The following RBM47 variants were observed in gnomAD, a reference collection of about 807,000 sequenced individuals.
RBM47 encodes the protein RNA binding motif protein 47.
Under a neutral mutation model 47.1 loss-of-function variants are expected in RBM47, and 21 were observed. That is an observed-to-expected ratio of 0.45 (90% CI 0.32 to 0.64). The LOEUF (loss-of-function observed/expected upper bound fraction) is 0.64, where lower values mean the gene tolerates loss of function less well. Among genes scored for constraint, RBM47 ranks in the 30% least tolerant of loss-of-function variants. RBM47 has a pLI of 0.05. For synonymous variants in RBM47, 375 were observed against 361.7 expected, an observed-to-expected ratio of 1.04 and a Z score of -0.42; for missense variants, 708 against 870.9, an observed-to-expected ratio of 0.81 and a Z score of 2.35.
At chr4:40,477,147 C>T (rs1719734182) in intron 2 of RBM47, among the ~76,000 whole-genome samples, 1 of 152,168 alleles carries the variant, frequency 6.6e-6, no homozygotes, top group South Asian at 2.1e-4. Context: ...GGCGCCACTG[C>T]ACTCCAGCCT....
chr4:40,443,717 C>CAAAAAAAAAAAAAAAAAAAAAAAAAAAAA (rs10581870), intron 3 of RBM47, among the ~76,000 whole-genome samples: 1 of 47,720 alleles, frequency 2.1e-5, no homozygotes, highest in Non-Finnish European at 3.7e-5. Flanking sequence ...AACTCCTTCT[C>CAAAAAAAAAAAAAAAAAAAAAAAAAAAAA]AAAAAAAAAA....
chr4:40,625,198 C>A (rs1578092483), intron 1 of RBM47, among the ~76,000 whole-genome samples: 1 of 152,168 alleles, frequency 6.6e-6, no homozygotes, highest in East Asian at 1.9e-4. Flanking sequence ...CAACTTGGAA[C>A]CCTCGTTTTT....
intron 3 of RBM47, among the ~76,000 whole-genome samples, chr4:40,453,189 T>C (rs1369352285): frequency 6.6e-6 from 1 of 152,184 alleles, no homozygotes; most frequent in African/African-American, 2.4e-5. Context: ...TAAAGATTAC[T>C]TATTTTTGTA....
chr4:40,524,748 G>C (rs1196667063), intron 2 of RBM47, among the ~76,000 whole-genome samples: 2 of 152,200 alleles, frequency 1.3e-5, no homozygotes, highest in Non-Finnish European at 2.9e-5. Flanking sequence ...AGCCTCCTGA[G>C]TAGCTAGGAC....
At chr4:40,625,426 T>C (rs1737653313) in intron 1 of RBM47, among the ~76,000 whole-genome samples, 1 of 152,210 alleles carries the variant, frequency 6.6e-6, no homozygotes. Context: ...AATATTAATA[T>C]GCTGACATTT....
At chr4:40,575,709 C>A (rs1327195057) in intron 1 of RBM47, among the ~76,000 whole-genome samples, 2 of 152,304 alleles carry the variant, frequency 1.3e-5, no homozygotes, top group East Asian at 1.9e-4. Flanking sequence ...CCAACCCATG[C>A]CAGTTTGCCC....
chr4:40,500,713 T>C (rs1723243546), intron 2 of RBM47, among the ~76,000 whole-genome samples: 1 of 152,194 alleles, frequency 6.6e-6, no homozygotes, highest in South Asian at 2.1e-4. Flanking sequence ...GATAACAACA[T>C]AGTACATAAA....
At chr4:40,589,603 A>C (rs1190523878) in intron 1 of RBM47, among the ~76,000 whole-genome samples, 3 of 150,758 alleles carry the variant, frequency 2.0e-5, no homozygotes, top group Non-Finnish European at 4.4e-5. Flanking sequence ...TGCCTGGATA[A>C]TTTTTTTGTA....
intron 2 of RBM47, among the ~76,000 whole-genome samples, chr4:40,503,717 G>T (rs967299824): frequency 1.3e-5 from 2 of 151,966 alleles, no homozygotes; most frequent in South Asian, 4.1e-4. Context: ...AGCCTAAGAG[G>T]GGGGAGAGAA....
intron 2 of RBM47, among the ~76,000 whole-genome samples, chr4:40,499,738 T>G (rs1370068775): frequency 1.3e-5 from 2 of 152,242 alleles, no homozygotes; most frequent in African/African-American, 4.8e-5. Flanking sequence ...TTAAGTTCTA[T>G]GACTCCTTGG....
At chr4:40,518,153 CTTTTCTT>C (rs1381231589) in intron 2 of RBM47, among the ~76,000 whole-genome samples, 9 of 99,528 alleles carry the variant, frequency 9.0e-5, no homozygotes, top group Admixed American at 2.5e-4. Flanking sequence ...TGTTTCTTTT[CTTTTCTT>C]TTTTTTTTTT....
At chr4:40,540,215 C>A (rs1728375024) in intron 2 of RBM47, among the ~76,000 whole-genome samples, 1 of 152,162 alleles carries the variant, frequency 6.6e-6, no homozygotes, top group East Asian at 1.9e-4. Context: ...AAACACTTTA[C>A]ATGGTATGTC....
chr4:40,537,941 G>A (rs1728140448), intron 2 of RBM47, among the ~76,000 whole-genome samples: 1 of 151,274 alleles, frequency 6.6e-6, no homozygotes, highest in African/African-American at 2.4e-5. Flanking sequence ...CTGGACTCAA[G>A]TGGTCCTCAT....
At chr4:40,442,302 G>A (rs1486162891) in intron 3 of RBM47, among the ~76,000 whole-genome samples, 1 of 152,094 alleles carries the variant, frequency 6.6e-6, no homozygotes, top group Admixed American at 6.5e-5. Context: ...ACCAACAAGT[G>A]AGAACCACAA....
chr4:40,503,499 T>C lies in RBM47; in HGVS notation c.-154-36800A>G, dbSNP rs185161843. Among the ~76,000 whole-genome samples the C allele has an allele frequency of 5.9e-5, 9 of 152,262 alleles. No homozygotes were observed. The East Asian group carries it at 1.7e-3, about 29-fold the overall frequency. On this transcript the variant is annotated intron_variant, in intron 2 of 6. Transcript: ENST00000295971. ...GAGAAGTGCTACTAGCGGTGTCCAC[T>C]GGAAGGTCAAAAAGGTGAAGGTGAA...
At chr4:40,450,277 T>G (rs1009880805) in intron 3 of RBM47, among the ~76,000 whole-genome samples, 6 of 152,224 alleles carry the variant, frequency 3.9e-5, no homozygotes, top group African/African-American at 1.4e-4. Flanking sequence ...TAGCTTGAAT[T>G]CATACAGTGT....
rs530465415 is a variant in RBM47 at position 40,518,158 on chromosome 4, C to CTTTTTTTTTT, written c.-155+26254_-155+26263dup. Among the ~76,000 whole-genome samples, 13 of 70,688 alleles carry CTTTTTTTTTT rather than the reference C, an allele frequency of 1.8e-4. 1 individual carries two copies. Among genetic ancestry groups the CTTTTTTTTTT allele is most frequent in the Middle Eastern group, 0.017 (1 of 60 alleles). The allele number at this position is 70,688 out of a possible 152,430, so 46.4% of individuals were successfully genotyped here. A position where few individuals can be genotyped will look rare whatever the true frequency, so the allele number is the denominator to read the frequency against. ...AAACAAGCATTGTTTCTTTTCTTTT[C>CTTTTTTTTTT]TTTTTTTTTTTTTTTTTTTTTTTTT... On this transcript the variant is annotated intron_variant, in intron 2 of 6. Transcript: ENST00000295971.
At chr4:40,457,552 G>A (rs1005500617) in intron 3 of RBM47, among the ~76,000 whole-genome samples, 1 of 151,862 alleles carries the variant, frequency 6.6e-6, no homozygotes, top group Non-Finnish European at 1.5e-5. Flanking sequence ...AGTGATTTTC[G>A]TGCCTCAGCC....
chr4:40,618,903 C>T (rs1328087002), intron 1 of RBM47, among the ~76,000 whole-genome samples: 2 of 151,786 alleles, frequency 1.3e-5, no homozygotes, highest in Non-Finnish European at 2.9e-5. Context: ...AAATTGAACT[C>T]CTGATCTCCT....
Sources: allele counts gnomAD v4.1 joint callset (sites outside exome capture counted in the v4.1 genomes callset), GRCh38; gene constraint gnomAD v4.1.1; transcripts MANE v1.5; gene names NCBI Gene and HGNC (gene_info 2026-07-23, HGNC 2026-07-21).